LINGO2: variants seen among roughly 807,000 people sequenced by gnomAD.
The protein encoded by LINGO2 is leucine rich repeat and Ig domain containing 2.
A neutral mutation model predicts 30.6 loss-of-function variants in LINGO2; 14 were observed. The ratio of observed to expected loss-of-function variants is 0.46; its 90% CI spans 0.30 to 0.72. LINGO2 has a LOEUF of 0.72. Ranked by LOEUF, LINGO2 falls within the 30% of genes least tolerant of loss-of-function variation. The pLI, the probability that LINGO2 is intolerant of heterozygous loss-of-function variation, is 0.07. For synonymous variants in LINGO2, 317 were observed against 288.5 expected (o/e 1.10, Z -1.00); for missense variants, 729 against 751.7 (o/e 0.97, Z 0.35).
intron 4 of LINGO2, among the ~76,000 whole-genome samples, chr9:28,046,610 G>C (rs1587761520): frequency 6.6e-6 from 1 of 152,138 alleles, no homozygotes; most frequent in African/African-American, 2.4e-5. Context: ...AATTCTTAAA[G>C]ATTTTACTGT....
chr9:28,027,836 G>A (rs73643283), intron 4 of LINGO2, among the ~76,000 whole-genome samples: 5,644 of 152,186 alleles, frequency 0.037, 149 homozygotes, highest in African/African-American at 0.075. Context: ...TGGTAGTGAT[G>A]CTCTTGGATT....
Position 28,393,992 on chromosome 9 carries a change from T to C in LINGO2, c.-278-21124A>G, listed in dbSNP as rs1009083499. 5.7e-5 allele frequency among the ~76,000 whole-genome samples: 6 copies of C among 105,912 alleles called. No individual in the cohort carries two copies. The South Asian group carries it at 1.7e-3, about 29-fold the overall frequency. The allele number at this position is 105,912 out of a possible 152,430, so 69.5% of individuals were successfully genotyped here. On this transcript the variant is annotated intron_variant, in intron 2 of 5. Coordinates refer to ENST00000379992, the Ensembl canonical transcript of LINGO2. The stretch of plus-strand genomic sequence containing the variant: ...TGGTAAGTTGGTTGATAACTTGTAC[T>C]AACCTCTTTTTTTTTTCCCTTGTCT...
At chr9:29,057,155 A>T in the LINGO2 span, among the ~76,000 whole-genome samples, 2 of 151,696 alleles carry the variant, frequency 1.3e-5, no homozygotes, top group Non-Finnish European at 2.9e-5. Context: ...TTTTGATGGG[A>T]AGGGAATTTC....
chr9:28,634,472 CTTTTCTTT>C (rs1202215538), intron 1 of LINGO2, among the ~76,000 whole-genome samples: 5 of 144,494 alleles, frequency 3.5e-5, no homozygotes, highest in Admixed American at 2.2e-4. Context: ...CACTTTCTTT[CTTTTCTTT>C]TTTTCTTTTT....
chr9:28,662,710 GTTAA>G (rs1828628734), intron 1 of LINGO2, among the ~76,000 whole-genome samples: 2 of 152,118 alleles, frequency 1.3e-5, no homozygotes, highest in Non-Finnish European at 2.9e-5. Flanking sequence ...GCGCTATAAT[GTTAA>G]TTAATTATGT....
rs182887221 is a variant in LINGO2 at position 28,125,335 on chromosome 9, C to T, written c.-86-112930G>A. 1.2e-3 allele frequency among the ~76,000 whole-genome samples: 181 copies of T among 152,276 alleles called. 1 individual carries two copies. Among genetic ancestry groups the T allele is most frequent in the African/African-American group, 4.3e-3 (179 of 41,556 alleles). ...TTAAAGATCACTGTTGATCTAAGTACATCTGTTTATTTTAGCAGTCTATAT... is the reference window on the plus strand; with the variant it reads ...TTAAAGATCACTGTTGATCTAAGTATATCTGTTTATTTTAGCAGTCTATAT... On this transcript the variant is annotated intron_variant, in intron 4 of 5. Coordinates refer to ENST00000379992, the Ensembl canonical transcript of LINGO2.
intron 1 of LINGO2, among the ~76,000 whole-genome samples, chr9:28,559,788 G>A (rs905791319): frequency 1.3e-5 from 2 of 151,812 alleles, no homozygotes; most frequent in African/African-American, 4.8e-5. Context: ...TAAGTTGTTT[G>A]GGGGAAATAT....
At chr9:28,646,833 T>C (rs1827864473) in intron 1 of LINGO2, among the ~76,000 whole-genome samples, 1 of 152,144 alleles carries the variant, frequency 6.6e-6, no homozygotes, top group South Asian at 2.1e-4. Flanking sequence ...TGACTGCATA[T>C]AATAATTCTA....
At chr9:28,466,964 T>C (rs767029516) in intron 2 of LINGO2, among the ~76,000 whole-genome samples, 1 of 151,156 alleles carries the variant, frequency 6.6e-6, no homozygotes, top group Non-Finnish European at 1.5e-5. Context: ...ACTCTGCTGA[T>C]GAGATACAAA....
intron 4 of LINGO2, among the ~76,000 whole-genome samples, chr9:28,231,271 A>G (rs924036120): frequency 2.0e-5 from 3 of 152,004 alleles, no homozygotes; most frequent in Non-Finnish European, 4.4e-5. Flanking sequence ...TTCATAATAT[A>G]TGCCTAAATC....
chr9:28,130,134 A>G lies in LINGO2; in HGVS notation c.-86-117729T>C, dbSNP rs551321004. ...ATTCTGACATTGATTCCCATGTGGA[A>G]CAGAGGACTTTTCTAGATTTAGAGT... On this transcript the variant is annotated intron_variant, in intron 4 of 5. Transcript: ENST00000379992. The surrounding 1 kb of genome is among the most constrained non-coding windows in gnomAD (Gnocchi z 5.2). Among the ~76,000 whole-genome samples the G allele has an allele frequency of 6.6e-6, 1 of 152,354 alleles. No homozygotes were observed. The highest frequency in any genetic ancestry group is 2.1e-4 in the South Asian group (1 of 4,830).
intron 4 of LINGO2, among the ~76,000 whole-genome samples, chr9:28,111,427 C>T (rs980277800): frequency 2.0e-5 from 3 of 151,396 alleles, no homozygotes; most frequent in African/African-American, 4.9e-5. Flanking sequence ...AAAAGGAAAA[C>T]GAAGAGGCTG....
At chr9:28,099,132 T>A (rs77275428) in intron 4 of LINGO2, among the ~76,000 whole-genome samples, 7,062 of 152,180 alleles carry the variant, frequency 0.046, 177 homozygotes, top group African/African-American at 0.078. Flanking sequence ...TAAATTAACA[T>A]AATATCTGAA....
intron 5 of LINGO2, among the ~76,000 whole-genome samples, chr9:27,995,164 C>T (rs1190011153): frequency 6.6e-6 from 1 of 152,110 alleles, no homozygotes; most frequent in Non-Finnish European, 1.5e-5. Flanking sequence ...TTCTTAAACA[C>T]ATGCACCCTA....
chr9:28,245,294 T>A (rs2133989406), intron 4 of LINGO2, among the ~76,000 whole-genome samples: 1 of 152,260 alleles, frequency 6.6e-6, no homozygotes, highest in South Asian at 2.1e-4. Context: ...TAGGTATTGA[T>A]GGAACATATC....
downstream of LINGO2, chr9:27,943,279 A>G (rs1823236808): frequency 6.6e-6 from 1 of 152,166 alleles, no homozygotes; most frequent in Admixed American, 6.6e-5. Context: ...CATCTTCAGT[A>G]TGGACAGTTA....
At chr9:28,573,851 G>T (rs565902210) in intron 1 of LINGO2, among the ~76,000 whole-genome samples, 1 of 152,100 alleles carries the variant, frequency 6.6e-6, no homozygotes, top group African/African-American at 2.4e-5. Context: ...CTCATATTTT[G>T]ATGTTAAAAT....
At chr9:28,076,734 AT>A (rs1282112135) in intron 4 of LINGO2, among the ~76,000 whole-genome samples, 30 of 152,124 alleles carry the variant, frequency 2.0e-4, no homozygotes, top group Admixed American at 1.6e-3. Context: ...TGGGTTTCAA[AT>A]TTTTGATTGT....
At chr9:29,064,554 A>T in the LINGO2 span, among the ~76,000 whole-genome samples, 1 of 152,144 alleles carries the variant, frequency 6.6e-6, no homozygotes, top group Non-Finnish European at 1.5e-5. Context: ...TCAAATATTT[A>T]AGATAACACT....
Sources: gnomAD v4.1 joint callset for allele counts (sites outside exome capture counted in the v4.1 genomes callset) on GRCh38, gnomAD v4.1.1 for gene constraint, Gnocchi (gnomAD v3.1) non-coding constraint, MANE v1.5 for transcripts, NCBI Gene and HGNC (gene_info 2026-07-23, HGNC 2026-07-21) for gene names.